Variants in ZFHX3 observed in about 807,000 individuals in gnomAD.
ZFHX3 encodes the protein zinc finger homeobox protein 3.
A neutral mutation model predicts 279.1 loss-of-function variants in ZFHX3; 42 were observed. The observed-to-expected ratio is 0.15, with a 90% confidence interval of 0.12 to 0.19. The LOEUF is 0.19. ZFHX3 is among the 10% of genes least tolerant of loss of function. The pLI is 1.00. For missense variants in ZFHX3, 4,981 were observed against 4,754.0 expected, an observed-to-expected ratio of 1.05 and a Z score of -1.40; for synonymous variants, 2,293 against 1,957.8, an observed-to-expected ratio of 1.17 and a Z score of -4.52.
At chr16:72,912,240 C>G (rs919777655) in intron 3 of ZFHX3, among the ~76,000 whole-genome samples, 1 of 152,148 alleles carries the variant, frequency 6.6e-6, no homozygotes, top group African/African-American at 2.4e-5. Context: ...ATGTCAGGCC[C>G]AGTGTCACTT....
chr16:73,141,772 A>C (rs1597178334), intron 6 of ZFHX3, among the ~76,000 whole-genome samples: 1 of 152,270 alleles, frequency 6.6e-6, no homozygotes, highest in Non-Finnish European at 1.5e-5. Flanking sequence ...CCAGTTTTTC[A>C]GATTCTGACT....
At chr16:73,606,410 C>T (rs1194564270) in intron 2 of ZFHX3, among the ~76,000 whole-genome samples, 2 of 150,610 alleles carry the variant, frequency 1.3e-5, no homozygotes, top group Admixed American at 1.3e-4. Flanking sequence ...CTCCTGAACC[C>T]GAGAGGCGGA....
At chr16:73,358,070 G>T (rs989145373) in intron 3 of ZFHX3, among the ~76,000 whole-genome samples, 8 of 152,170 alleles carry the variant, frequency 5.3e-5, no homozygotes, top group Admixed American at 6.5e-5. Flanking sequence ...GGCTTCCCAG[G>T]CCTGGGCATG....
intron 3 of ZFHX3, among the ~76,000 whole-genome samples, chr16:73,391,696 G>T (rs971360303): frequency 1.3e-5 from 2 of 152,166 alleles, no homozygotes; most frequent in East Asian, 3.9e-4. Context: ...ATGATGGACA[G>T]GGAGGGACAT....
rs538967255 is a variant in ZFHX3 at position 73,650,994 on chromosome 16, C to A, written c.-1547+29186G>T. Among the ~76,000 whole-genome samples the A allele has an allele frequency of 2.0e-5, 3 of 152,062 alleles. No homozygotes were observed. In the South Asian group the frequency reaches 6.2e-4, roughly 32 times the overall value. On this transcript the variant is annotated intron_variant, in intron 2 of 17. Transcript: ENST00000641206. ...TAAGGCACAGTTTATAAGACACTTA[C>A]GATTATCAAGGTGTAATAAACAAAA...
Position 73,689,247 on chromosome 16 carries a change from G to C in ZFHX3, c.-1607-9007C>G, listed in dbSNP as rs115774654. The stretch of plus-strand genomic sequence containing the variant: ...CCTCTAAAGTTCTATGTCACTATCA[G>C]GGACACTGCTATGATTTCACATTAT... On this transcript the variant is annotated intron_variant, in intron 1 of 17. Coordinates refer to the ZFHX3 transcript ENST00000641206. Among the ~76,000 whole-genome samples, 555 of 152,252 alleles carry C rather than the reference G, an allele frequency of 3.6e-3. 3 individuals carry two copies. Among genetic ancestry groups the C allele is most frequent in the African/African-American group, 0.013 (525 of 41,528 alleles).
At chr16:73,213,966 C>T (rs981426813) in intron 5 of ZFHX3, among the ~76,000 whole-genome samples, 2 of 152,236 alleles carry the variant, frequency 1.3e-5, no homozygotes, top group South Asian at 2.1e-4. Context: ...ACATATTTAC[C>T]AAGATTTCAC....
intron 1 of ZFHX3, among the ~76,000 whole-genome samples, chr16:73,042,563 C>T (rs1371706195): frequency 6.6e-6 from 1 of 152,058 alleles, no homozygotes; most frequent in Non-Finnish European, 1.5e-5. Flanking sequence ...GCCTAACCAC[C>T]CCAAATCACC....
At chr16:73,286,061 C>T (rs1315862664) in intron 4 of ZFHX3, among the ~76,000 whole-genome samples, 1 of 152,166 alleles carries the variant, frequency 6.6e-6, no homozygotes, top group Admixed American at 6.5e-5. Flanking sequence ...CAGTCTGTCA[C>T]GTAAACACAT....
At chr16:73,040,547 A>G (rs934479599) in intron 1 of ZFHX3, among the ~76,000 whole-genome samples, 4 of 151,340 alleles carry the variant, frequency 2.6e-5, no homozygotes, top group African/African-American at 9.7e-5. Flanking sequence ...GGGGAGGGGG[A>G]CAGAAGGGGA....
intron 3 of ZFHX3, among the ~76,000 whole-genome samples, chr16:73,382,101 C>T (rs1443173936): frequency 2.6e-5 from 4 of 152,172 alleles, no homozygotes; most frequent in Non-Finnish European, 4.4e-5. Flanking sequence ...ATAAAGTAGT[C>T]CCCCATTTCT....
chr16:73,522,291 C>A (rs1364508332), intron 2 of ZFHX3, among the ~76,000 whole-genome samples: 2 of 152,190 alleles, frequency 1.3e-5, no homozygotes, highest in Admixed American at 1.3e-4. Flanking sequence ...ACATAATGAA[C>A]TTCCTTTGAA....
chr16:73,342,248 T>C (rs11860958), intron 3 of ZFHX3, among the ~76,000 whole-genome samples: 52,128 of 152,054 alleles, frequency 0.34, 10,963 homozygotes, highest in African/African-American at 0.57. Flanking sequence ...AAGGATGGGG[T>C]CTTTGCAAAA....
At chr16:73,738,373 G>A (rs983014850) in intron 1 of ZFHX3, among the ~76,000 whole-genome samples, 13 of 152,180 alleles carry the variant, frequency 8.5e-5, no homozygotes, top group South Asian at 2.1e-4. Flanking sequence ...AGATCACTGC[G>A]ACTAAAATGA....
Position 73,174,412 on chromosome 16 carries a change from C to T in ZFHX3, c.-1103-30581G>A, listed in dbSNP as rs183067559. 3.7e-4 allele frequency among the ~76,000 whole-genome samples: 56 copies of T among 152,312 alleles called. 1 individual carries two copies. Among genetic ancestry groups the T allele is most frequent in the Non-Finnish European group, 6.8e-4 (46 of 68,040 alleles). ...TCCTGGTCAGATACCTGAAACTCTT[C>T]CAATTTCAAGGAATCTATTCCGCGA... On this transcript the variant is annotated intron_variant, in intron 5 of 17. Coordinates refer to the ZFHX3 transcript ENST00000641206.
intron 1 of ZFHX3, among the ~76,000 whole-genome samples, chr16:72,993,243 C>T (rs1247287502): frequency 6.6e-6 from 1 of 152,220 alleles, no homozygotes; most frequent in Non-Finnish European, 1.5e-5. Context: ...ACCCACTCAA[C>T]CAAAATCACT....
chr16:73,622,329 C>G (rs966711123), intron 2 of ZFHX3, among the ~76,000 whole-genome samples: 12 of 152,096 alleles, frequency 7.9e-5, no homozygotes, highest in African/African-American at 2.9e-4. Flanking sequence ...GAGGCTCAGG[C>G]GGGTGGATCA....
At chr16:73,024,651 G>A (rs1004552259) in intron 1 of ZFHX3, among the ~76,000 whole-genome samples, 4 of 152,156 alleles carry the variant, frequency 2.6e-5, no homozygotes, top group African/African-American at 4.8e-5. Context: ...CCCCTAAACC[G>A]CCATGTGTCA....
chr16:73,747,131 G>T (rs144206274), intron 1 of ZFHX3, among the ~76,000 whole-genome samples: 1 of 152,304 alleles, frequency 6.6e-6, no homozygotes, highest in African/African-American at 2.4e-5. Flanking sequence ...GCTCACACTT[G>T]TAATCCCAAC....
Sources: gnomAD v4.1 joint callset for allele counts (sites outside exome capture counted in the v4.1 genomes callset) on GRCh38, gnomAD v4.1.1 for gene constraint, MANE v1.5 for transcripts, NCBI Gene and HGNC (gene_info 2026-07-23, HGNC 2026-07-21) for gene names.